Variants in C10orf71 observed in about 807,000 individuals in gnomAD.
C10orf71 encodes chromosome 10 open reading frame 71, also known as cardiac-enriched FHL2-interacting protein.
For synonymous variants in C10orf71, 758 were observed against 726.3 expected (o/e 1.04, Z -0.70); for missense variants, 1,869 against 1,804.5 (o/e 1.04, Z -0.65).
intron 2 of C10orf71, among the ~76,000 whole-genome samples, chr10:49,316,556 C>T (rs1849002644): frequency 6.6e-6 from 1 of 152,172 alleles, no homozygotes; most frequent in South Asian, 2.1e-4. Context: ...TAGGGTTCTT[C>T]AGCCACAAGC....
chr10:49,304,168 A>T (rs1415757546), intron 1 of C10orf71, among the ~76,000 whole-genome samples: 1 of 152,198 alleles, frequency 6.6e-6, no homozygotes, highest in Middle Eastern at 3.2e-3. Flanking sequence ...AGAGAGAGAT[A>T]ACTGAGAATT....
At position 49,326,485 on chromosome 10, in the gene C10orf71, T is replaced by C. The variant is rs1849251298; in HGVS notation, c.3940T>C (p.Ser1314Pro). ...TGKYVKVSIP[S>P]SEGASPEPPP... ...CAAGTATGTCAAGGTCTCCATCCCG[T>C]CCTCCGAGGGGGCCTCCCCAGAGCC... Residue 1314 changes from serine to proline, a missense_variant, in exon 3 of 3, where the codon TCC becomes CCC. Coordinates refer to ENST00000374144, the MANE Select transcript of C10orf71 (RefSeq NM_001135196.2). The C allele has an allele frequency of 6.5e-7, 1 of 1,550,086 alleles. No homozygotes were observed. The highest frequency in any genetic ancestry group is 2.0e-5 in the Admixed American group (1 of 50,972).
Position 49,323,383 on chromosome 10 carries a change from T to C in C10orf71, c.838T>C (p.Trp280Arg), listed in dbSNP as rs747594893. 6.2e-7 allele frequency: 1 copy of C among 1,613,800 alleles called. No individual in the cohort carries two copies. Among genetic ancestry groups the C allele is most frequent in the African/African-American group, 1.3e-5 (1 of 74,898 alleles). Residue 280 changes from tryptophan to arginine, a missense_variant, in exon 3 of 3, where the codon TGG (tryptophan) becomes CGG (arginine). Physicochemically the swap from Trp to Arg is moderately radical, Grantham distance 101. Transcript: ENST00000374144. ...LHSENSAFES[W>R]NAHQPKLLER... ...CAGTGAAAATAGTGCTTTTGAGTCATGGAATGCCCACCAACCAAAGCTGCT... is the reference window on the plus strand; with the variant it reads ...CAGTGAAAATAGTGCTTTTGAGTCACGGAATGCCCACCAACCAAAGCTGCT...
At chr10:49,307,921 G>A (rs911222934) in intron 1 of C10orf71, among the ~76,000 whole-genome samples, 2 of 152,142 alleles carry the variant, frequency 1.3e-5, no homozygotes, top group Admixed American at 6.5e-5. Flanking sequence ...CTCATGTCCT[G>A]GGTTAGACCA....
At chr10:49,318,708 G>A (rs146021832) in intron 2 of C10orf71, among the ~76,000 whole-genome samples, 43 of 152,338 alleles carry the variant, frequency 2.8e-4, no homozygotes, top group African/African-American at 9.9e-4. Flanking sequence ...ATTACTGACA[G>A]CCCAGCAGCT....
chr10:49,308,797 G>A (rs1848861617), intron 1 of C10orf71, among the ~76,000 whole-genome samples: 1 of 152,188 alleles, frequency 6.6e-6, no homozygotes, highest in Admixed American at 6.5e-5. Flanking sequence ...GAGATCTTAC[G>A]CTTTCTTCTA....
chr10:49,297,701 T>A (rs557099313), upstream of C10orf71, among the ~76,000 whole-genome samples: 1 of 152,366 alleles, frequency 6.6e-6, no homozygotes, highest in Admixed American at 6.5e-5. Flanking sequence ...GTATGTGACA[T>A]GTCAACTGAC....
In C10orf71 at chr10:49,326,146, C is replaced by T. The variant is rs1388643179; in HGVS notation, c.3601C>T (p.His1201Tyr). The T allele has an allele frequency of 6.4e-7, 1 of 1,551,730 alleles. No homozygotes were observed. The highest frequency in any genetic ancestry group is 8.7e-7 in the Non-Finnish European group (1 of 1,147,006). The part of the protein sequence containing the change: ...RRKTDQAQEK[H>Y]GESQEGKPCP... ...GAAGACGGATCAGGCTCAGGAGAAG[C>T]ATGGCGAGTCACAGGAGGGAAAGCC... Residue 1201 changes from histidine to tyrosine, a missense_variant, in exon 3 of 3, where the codon CAT becomes TAT. Coordinates refer to ENST00000374144, the MANE Select transcript of C10orf71 (RefSeq NM_001135196.2).
chr10:49,312,273 C>G (rs1848928343), intron 1 of C10orf71, among the ~76,000 whole-genome samples: 1 of 152,148 alleles, frequency 6.6e-6, no homozygotes. Flanking sequence ...ATGGAGAGTC[C>G]ATTTTTAAAT....
rs1317925278 is a variant in C10orf71, at chr10:49,324,483, C to T, written c.1938C>T (p.Ser646=). The change falls in exon 3 of 3, where the codon TCC becomes TCT. Residue 646 remains serine, a synonymous_variant. Coordinates refer to ENST00000374144, the MANE Select transcript of C10orf71 (RefSeq NM_001135196.2). The part of the protein sequence containing the change: ...SREHRPRKHL[S]LRLCNRDPEP... Reference sequence around the variant, plus strand: ...AACACCGCCCCAGGAAACACCTCTCCCTGAGGCTTTGCAATAGGGATCCTG... The same window carrying T: ...AACACCGCCCCAGGAAACACCTCTCTCTGAGGCTTTGCAATAGGGATCCTG... The T allele has an allele frequency of 2.5e-6, 4 of 1,609,378 alleles. No homozygotes were observed. Among genetic ancestry groups the T allele is most frequent in the Non-Finnish European group, 3.4e-6 (4 of 1,177,748 alleles).
At position 49,323,279 on chromosome 10, in the gene C10orf71, T is replaced by C. The variant is rs187045483; in HGVS notation, c.734T>C (p.Leu245Ser). Reference sequence around the variant, plus strand: ...CCAGCAGCCAATGACACGGCCACCTTATGTGAGTCAAAGTTCCCCTCTCCA... The same window carrying C: ...CCAGCAGCCAATGACACGGCCACCTCATGTGAGTCAAAGTTCCCCTCTCCA... ...FLPAANDTAT[L>S]CESKFPSPHH... is the part of the protein sequence containing the mutation. Residue 245 changes from leucine (L) to serine (S), a missense_variant, in exon 3 of 3, where the codon TTA (leucine) becomes TCA (serine). By Grantham distance (145) the Leu-to-Ser change is moderately radical. Coordinates refer to ENST00000374144, the MANE Select transcript of C10orf71 (RefSeq NM_001135196.2). 2 of 1,613,790 alleles carry C rather than the reference T, an allele frequency of 1.2e-6. No homozygotes were observed. The highest frequency in any genetic ancestry group is 2.7e-5 in the African/African-American group (2 of 75,010).
intron 1 of C10orf71, among the ~76,000 whole-genome samples, chr10:49,300,856 G>T: frequency 6.6e-6 from 1 of 152,192 alleles, no homozygotes; most frequent in South Asian, 2.1e-4. Context: ...TAAGAAGGGG[G>T]CTGGTAGAAT....
At chr10:49,317,744 G>C (rs1425802948) in intron 2 of C10orf71, among the ~76,000 whole-genome samples, 1 of 152,204 alleles carries the variant, frequency 6.6e-6, no homozygotes, top group African/African-American at 2.4e-5. Flanking sequence ...CCAGCTACTT[G>C]GTAGGCCAAG....
At position 49,326,626 on chromosome 10, in the gene C10orf71, C is replaced by T. The variant is rs1190180087; in HGVS notation, c.4081C>T (p.Leu1361Phe). 5.8e-6 allele frequency: 9 copies of T among 1,550,178 alleles called. No homozygotes were observed. In the Admixed American group the frequency reaches 1.8e-4, roughly 30 times the overall value. The change falls in exon 3 of 3, where the codon CTC (leucine) becomes TTC (phenylalanine). Residue 1361 changes from leucine to phenylalanine, a missense_variant. By Grantham distance (22) the Leu-to-Phe change is conservative. Coordinates refer to ENST00000374144, the MANE Select transcript of C10orf71 (RefSeq NM_001135196.2). ...CTCTCAGCTCTCCGCGCCCACCTTC[C>T]TCAGGCAGGGCCCTCGTGCCTCCGC... ...CSSQLSAPTF[L>F]RQGPRASAAR...
rs1160780097 is a variant in C10orf71 at position 49,326,777 on chromosome 10, A to G, written c.4232A>G (p.Glu1411Gly). Residue 1411 changes from glutamate (E) to glycine (G), a missense_variant, in exon 3 of 3, where the codon GAG becomes GGG. Glu to Gly is a moderately conservative substitution (Grantham distance 98). Coordinates refer to ENST00000374144, the MANE Select transcript of C10orf71 (RefSeq NM_001135196.2). ...GGTCCTCCCCAGAGCCCAGGAGAGG[A>G]GGGTGTAGAAGCTCCAGGCCTGGGC... ...PHGPPQSPGEEGVEAPGLGII... is the reference protein window; with the variant it reads ...PHGPPQSPGEGGVEAPGLGII... 2 of 1,550,780 alleles carry G rather than the reference A, an allele frequency of 1.3e-6. No individual in the cohort carries two copies. Among genetic ancestry groups the G allele is most frequent in the Non-Finnish European group, 1.7e-6 (2 of 1,146,984 alleles).
At chr10:49,300,967 C>A (rs1480492516) in intron 1 of C10orf71, among the ~76,000 whole-genome samples, 6 of 152,200 alleles carry the variant, frequency 3.9e-5, no homozygotes, top group Non-Finnish European at 7.3e-5. Flanking sequence ...CATCCTCCCA[C>A]CTTGATTTCT....
At position 49,322,577 on chromosome 10, in the gene C10orf71, C is replaced by G; in HGVS notation, c.32C>G (p.Ala11Gly). The change falls in exon 3 of 3, where the codon GCG becomes GGG. Residue 11 changes from alanine (A) to glycine (G), a missense_variant. Transcript: ENST00000374144. MMQGNKKCTDAFSDSSSIGSV... is the reference protein window; with the variant it reads MMQGNKKCTDGFSDSSSIGSV... ...CAAGGAAATAAGAAGTGCACAGACGCGTTCAGCGACTCCTCCAGCATCGGC... is the reference window on the plus strand; with the variant it reads ...CAAGGAAATAAGAAGTGCACAGACGGGTTCAGCGACTCCTCCAGCATCGGC... 6.2e-7 allele frequency: 1 copy of G among 1,611,792 alleles called. No individual in the cohort carries two copies. The highest frequency in any genetic ancestry group is 8.5e-7 in the Non-Finnish European group (1 of 1,178,848).
chr10:49,299,937 A>T lies in C10orf71; in HGVS notation c.-248+704A>T, dbSNP rs761040909. Among the ~76,000 whole-genome samples the T allele has an allele frequency of 2.7e-3, 413 of 152,302 alleles. 1 individual carries two copies. Among genetic ancestry groups the T allele is most frequent in the Non-Finnish European group, 5.1e-3 (349 of 68,022 alleles). ...CTCTGCGAGCATGTGTGTCCCCAAA[A>T]CAAAGCCCGCCACAGGCTGCCTGTT... On this transcript the variant is annotated intron_variant, in intron 1 of 2. Transcript: ENST00000374144.
At chr10:49,320,599 A>G (rs539861244) in intron 2 of C10orf71, among the ~76,000 whole-genome samples, 1 of 152,334 alleles carries the variant, frequency 6.6e-6, no homozygotes, top group South Asian at 2.1e-4. Flanking sequence ...ACAGTGAGAG[A>G]GATGAGCAAG....
Sources: gnomAD v4.1 joint callset for allele counts (sites outside exome capture counted in the v4.1 genomes callset) on GRCh38, gnomAD v4.1.1 for gene constraint, MANE v1.5 for transcripts, NCBI Gene and HGNC (gene_info 2026-07-23, HGNC 2026-07-21) for gene names.